Variants in NEBL observed in about 807,000 individuals in gnomAD.
The protein encoded by NEBL is LIM and SH3 protein 2.
A neutral mutation model predicts 140.2 loss-of-function variants in NEBL; 122 were observed. The ratio of observed to expected loss-of-function variants is 0.87; its 90% CI spans 0.75 to 1.01. The LOEUF (loss-of-function observed/expected upper bound fraction) is 1.01, where lower values mean the gene tolerates loss of function less well. Among genes scored for constraint, NEBL ranks in the 50% least tolerant of loss-of-function variants. The pLI is 0.00. For missense variants in NEBL, 1,365 were observed against 1,231.3 expected (o/e 1.11, Z -1.62); for synonymous variants, 436 against 398.9 (o/e 1.09, Z -1.11).
chr10:21,067,676 C>T (rs534012123), intron 2 of NEBL, among the ~76,000 whole-genome samples: 3 of 152,240 alleles, frequency 2.0e-5, no homozygotes, highest in East Asian at 1.9e-4. Flanking sequence ...AGAGAGAACA[C>T]CTTCCTATTA....
chr10:21,061,330 T>C (rs546093527), intron 2 of NEBL, among the ~76,000 whole-genome samples: 1 of 149,266 alleles, frequency 6.7e-6, no homozygotes, highest in Non-Finnish European at 1.5e-5. Context: ...TATTACATAT[T>C]ATGTGATATG....
intron 16 of NEBL, among the ~76,000 whole-genome samples, chr10:20,830,923 A>C (rs1315006584): frequency 6.7e-6 from 1 of 150,276 alleles, no homozygotes; most frequent in Non-Finnish European, 1.5e-5. Context: ...AAAAAAAAAA[A>C]AAAAAAAAAA....
chr10:21,147,191 C>T (rs983467923), intron 2 of NEBL, among the ~76,000 whole-genome samples: 5 of 152,058 alleles, frequency 3.3e-5, no homozygotes, highest in Admixed American at 6.6e-5. Flanking sequence ...CAAAGCAAAA[C>T]CCCAACCCCA....
chr10:20,850,570 AAT>A, intron 10 of NEBL, 68 bp from the exon 11 acceptor site: 1 of 1,024,394 alleles, frequency 9.8e-7, no homozygotes, highest in Middle Eastern at 2.7e-4. Context: ...ACTAAGAAAA[AAT>A]ATATGTTCTA....
chr10:21,213,476 A>C (rs1841947054), intron 3 of NEBL, among the ~76,000 whole-genome samples: 1 of 152,212 alleles, frequency 6.6e-6, no homozygotes, highest in South Asian at 2.1e-4. Context: ...TCAAAACAAC[A>C]CTGTCTGAAT....
rs367956252 is a variant in NEBL, at chr10:21,196,445, A to G, written n.349-23968T>C. On this transcript the variant is annotated intron_variant and non_coding_transcript_variant, in intron 3 of 8. Transcript: ENST00000675702. ...CTGCAACCTCTGCCTTCCGGGTTCA[A>G]GAGATTCTCCTGCCTCAGCCTCCCA... is the stretch of plus-strand genomic sequence containing the variant. Among the ~76,000 whole-genome samples the G allele has an allele frequency of 2.6e-5, 4 of 151,754 alleles. No individual in the cohort carries two copies. The East Asian group carries it at 7.7e-4, about 29-fold the overall frequency.
chr10:20,826,373 T>C, intron 18 of NEBL, 74 bp downstream of exon 18: 1 of 1,157,996 alleles, frequency 8.6e-7, no homozygotes, highest in Non-Finnish European at 1.3e-6. Flanking sequence ...ATCAGTTGAG[T>C]AAAGAACTAA....
chr10:21,129,452 A>G (rs1377201080), intron 2 of NEBL, among the ~76,000 whole-genome samples: 1 of 152,024 alleles, frequency 6.6e-6, no homozygotes. Flanking sequence ...GTTCAAAATA[A>G]TAATAGAAAC....
intron 2 of NEBL, chr10:21,125,898 C>T (rs1425296182): frequency 3.7e-6 from 6 of 1,614,080 alleles, no homozygotes; most frequent in African/African-American, 1.3e-5. Flanking sequence ...TAAATCCATG[C>T]TTCCCTTTGG....
intron 2 of NEBL, among the ~76,000 whole-genome samples, chr10:21,163,785 C>A (rs1840651547): frequency 6.6e-6 from 1 of 152,182 alleles, no homozygotes; most frequent in Non-Finnish European, 1.5e-5. Flanking sequence ...ATGCACACAT[C>A]GAACTAGTTC....
chr10:21,030,877 T>C lies in NEBL; in HGVS notation c.165-10676A>G, dbSNP rs999364584. The C allele has an allele frequency of 1.1e-5, 3 of 281,646 alleles. No homozygotes were observed. The East Asian group carries it at 3.0e-4, about 28-fold the overall frequency. 17.4% of individuals were successfully genotyped at this position (281,646 alleles called of 1,614,324 possible). On this transcript the variant is annotated intron_variant, in intron 2 of 6. Coordinates refer to the NEBL transcript ENST00000417816. ...ATTCAAACCACTTAACACCTGTACA[T>C]CATGGCACTCACCAATCAAAAATGG...
chr10:21,223,879 A>G (rs551453008), intron 3 of NEBL, among the ~76,000 whole-genome samples: 1 of 152,166 alleles, frequency 6.6e-6, no homozygotes, highest in Admixed American at 6.5e-5. Context: ...TTTTTAATTG[A>G]ATTATTATAT....
In NEBL at chr10:20,815,732, A is replaced by T; in HGVS notation, c.2149-15T>A. ...CTGTAATAAACCTATCATTTCAGAG[A>T]ACAAAAAATAGAATACTATGAATCA... On this transcript the variant is annotated splice_polypyrimidine_tract_variant and intron_variant, in intron 21 of 27. Transcript: ENST00000377122. The T allele has an allele frequency of 6.7e-7, 1 of 1,495,194 alleles. No homozygotes were observed. Among genetic ancestry groups the T allele is most frequent in the Non-Finnish European group, 9.3e-7 (1 of 1,072,272 alleles). The allele number at this position is 1,495,194 out of a possible 1,614,324, so 92.6% of individuals were successfully genotyped here.
chr10:21,002,592 G>T (rs891822790), intron 3 of NEBL, among the ~76,000 whole-genome samples: 1 of 152,176 alleles, frequency 6.6e-6, no homozygotes, highest in Non-Finnish European at 1.5e-5. Flanking sequence ...AGTTCTGCAG[G>T]CTGTACAGGA....
intron 2 of NEBL, among the ~76,000 whole-genome samples, chr10:21,062,480 G>A (rs1589192107): frequency 1.3e-5 from 2 of 151,722 alleles, no homozygotes; most frequent in East Asian, 1.9e-4. Context: ...GGGCAACATA[G>A]AGAAACCCTG....
chr10:20,901,497 T>G (rs1034561180), upstream of NEBL, among the ~76,000 whole-genome samples: 2 of 152,154 alleles, frequency 1.3e-5, no homozygotes, highest in Non-Finnish European at 2.9e-5. Context: ...AACATGTACT[T>G]TTCCTCAACA....
At chr10:20,975,686 G>A (rs1836764774) in intron 3 of NEBL, among the ~76,000 whole-genome samples, 1 of 152,130 alleles carries the variant, frequency 6.6e-6, no homozygotes, top group East Asian at 1.9e-4. Flanking sequence ...AAACAAGGTG[G>A]CAAAAGACTG....
At chr10:21,206,035 C>T (rs1487751965) in intron 3 of NEBL, among the ~76,000 whole-genome samples, 1 of 152,142 alleles carries the variant, frequency 6.6e-6, no homozygotes, top group Non-Finnish European at 1.5e-5. Context: ...TATGGGAATT[C>T]ACTCAGTACT....
At chr10:20,812,210 G>A (rs1023727886) in intron 24 of NEBL, among the ~76,000 whole-genome samples, 19 of 152,036 alleles carry the variant, frequency 1.2e-4, no homozygotes, top group African/African-American at 4.1e-4. Flanking sequence ...CGTCAACCAA[G>A]CAGAAAAACA....
Sources: allele counts gnomAD v4.1 joint callset (sites outside exome capture counted in the v4.1 genomes callset), GRCh38; gene constraint gnomAD v4.1.1; transcripts MANE v1.5; gene names NCBI Gene and HGNC (gene_info 2026-07-23, HGNC 2026-07-21).